Variants in MDM4 observed in about 807,000 individuals in gnomAD.
MDM4 encodes the protein protein Mdm4.
In MDM4, 2 loss-of-function variants were observed where a neutral mutation model predicts 60.2. That is an observed-to-expected ratio of 0.03 (90% CI 0.01 to 0.10). MDM4 has a LOEUF of 0.10. Among genes scored for constraint, MDM4 ranks in the 10% least tolerant of loss-of-function variants. The probability of loss-of-function intolerance (pLI) is 1.00; values close to 1 mark genes in which losing one functional copy is unlikely to be tolerated. For missense variants in MDM4, 447 were observed against 577.5 expected (o/e 0.77, Z 2.32); for synonymous variants, 202 against 198.1 (o/e 1.02, Z -0.17).
chr1:204,537,884 G>A (rs775558222), intron 6 of MDM4: 12 of 673,334 alleles, frequency 1.8e-5, no homozygotes, highest in South Asian at 6.9e-5. Context: ...ATCTTGGTAC[G>A]TGGCGAGGGT....
At chr1:204,520,040 G>C (rs1659403830) in intron 1 of MDM4, among the ~76,000 whole-genome samples, 1 of 152,168 alleles carries the variant, frequency 6.6e-6, no homozygotes. Flanking sequence ...CACTTTGGGA[G>C]GCCGAGGCGG....
rs192812920 is a variant in MDM4 at position 204,523,857 on chromosome 1, C to T, written c.-35-1627C>T. 5.3e-5 allele frequency among the ~76,000 whole-genome samples: 8 copies of T among 152,202 alleles called. No individual in the cohort carries two copies. The East Asian group carries it at 1.5e-3, about 29-fold the overall frequency. Reference sequence around the variant, plus strand: ...CAAGGGAGGGGAAGGGGTTCTTATCCCTGACGCAGGTAGCCCCTACTTCTG... The same window carrying T: ...CAAGGGAGGGGAAGGGGTTCTTATCTCTGACGCAGGTAGCCCCTACTTCTG... On this transcript the variant is annotated intron_variant, in intron 1 of 10. Transcript: ENST00000367182.
chr1:204,530,909 CA>C (rs1368480155), intron 4 of MDM4, 92 bp downstream of exon 4: 2 of 1,521,492 alleles, frequency 1.3e-6, no homozygotes, highest in African/African-American at 2.8e-5. Flanking sequence ...CTTCACTCAA[CA>C]AATATGTAAG....
At position 204,553,491 on chromosome 1, in the gene MDM4, T is replaced by C. The variant is rs1663363689; in HGVS notation, c.*3809T>C. The C allele has an allele frequency of 4.4e-6, 1 of 226,398 alleles. No individual in the cohort carries two copies. The highest frequency in any genetic ancestry group is 1.8e-4 in the South Asian group (1 of 5,494). 14.0% of individuals were successfully genotyped at this position (226,398 alleles called of 1,614,324 possible). ...AATTATATGGTCACCTAGTTATAGG[T>C]AAGCCTTGTTCGAGTTGATATCTTG... On this transcript the variant is annotated 3_prime_UTR_variant, in exon 11 of 11. Coordinates refer to ENST00000367182, the MANE Select transcript of MDM4 (RefSeq NM_002393.5).
chr1:204,536,301 G>A (rs914191881), intron 5 of MDM4, among the ~76,000 whole-genome samples: 2 of 152,138 alleles, frequency 1.3e-5, no homozygotes, highest in African/African-American at 4.8e-5. Flanking sequence ...GTCCAACTTC[G>A]CTTTGAAGAC....
At chr1:204,522,846 G>C (rs963260834) in intron 1 of MDM4, among the ~76,000 whole-genome samples, 2 of 149,652 alleles carry the variant, frequency 1.3e-5, no homozygotes, top group African/African-American at 4.9e-5. Flanking sequence ...TCTTCAGCCA[G>C]TGTATTTACT....
At chr1:204,529,529 A>C (rs988525610) in intron 3 of MDM4, 1 of 1,504,722 alleles carries the variant, frequency 6.6e-7, no homozygotes, top group Non-Finnish European at 9.0e-7. Flanking sequence ...CTGGTGGTCC[A>C]TAAGGCCCTC....
intron 8 of MDM4, 61 bp from the exon 9 acceptor site, chr1:204,544,474 G>A: frequency 1.9e-5 from 29 of 1,529,150 alleles, no homozygotes; most frequent in Non-Finnish European, 2.6e-5. Flanking sequence ...CATTTGTGTT[G>A]TTTCAACATC....
chr1:204,555,154 ATTTC>A lies in MDM4; in HGVS notation c.*5476_*5479del, dbSNP rs904512755. 1.1e-5 allele frequency: 2 copies of A among 184,942 alleles called. No individual in the cohort carries two copies. The highest frequency in any genetic ancestry group is 2.2e-5 in the Non-Finnish European group (2 of 89,638). 11.5% of individuals were successfully genotyped at this position (184,942 alleles called of 1,614,324 possible). On this transcript the variant is annotated 3_prime_UTR_variant, in exon 11 of 11. Coordinates refer to ENST00000367182, the MANE Select transcript of MDM4 (RefSeq NM_002393.5). ...CACAGGACAGTTAGTAGAACTCTCCATTTCTTTTTTTTTTTTTTTAGACGGAGTC... is the reference window on the plus strand; with the variant it reads ...CACAGGACAGTTAGTAGAACTCTCCATTTTTTTTTTTTTTTAGACGGAGTC...
chr1:204,527,389 C>T (rs962696607), intron 3 of MDM4, among the ~76,000 whole-genome samples: 45 of 152,140 alleles, frequency 3.0e-4, no homozygotes, highest in Admixed American at 2.2e-3. Context: ...TATGGTGGCT[C>T]ACGCCTGTAA....
Position 204,552,563 on chromosome 1 carries a change from C to CA in MDM4, c.*2881_*2882insA, listed in dbSNP as rs1663300161. On this transcript the variant is annotated 3_prime_UTR_variant, in exon 11 of 11. Coordinates refer to ENST00000367182, the MANE Select transcript of MDM4 (RefSeq NM_002393.5). The stretch of plus-strand genomic sequence containing the variant: ...GGTCTCGAACTCCTGACCTCATGAT[C>CA]CACACACCTCGGCCTCCCAAAGTCC... 1.2e-5 allele frequency: 2 copies of CA among 165,976 alleles called. No homozygotes were observed. The highest frequency in any genetic ancestry group is 4.1e-4 in the South Asian group (2 of 4,928). The allele number at this position is 165,976 out of a possible 1,614,324, so 10.3% of individuals were successfully genotyped here. A position where few individuals can be genotyped will look rare whatever the true frequency, so the allele number is the denominator to read the frequency against.
At chr1:204,528,161 T>G (rs773966387) in intron 3 of MDM4, among the ~76,000 whole-genome samples, 14 of 151,032 alleles carry the variant, frequency 9.3e-5, no homozygotes, top group Non-Finnish European at 1.5e-4. Context: ...AAATGCAAAT[T>G]AAAAAAAGTA....
In MDM4 at chr1:204,552,759, C is replaced by T. The variant is rs919267407; in HGVS notation, c.*3077C>T. 1.1e-4 allele frequency: 20 copies of T among 185,456 alleles called. No homozygotes were observed. The highest frequency in any genetic ancestry group is 1.7e-4 in the Non-Finnish European group (15 of 87,586). The allele number at this position is 185,456 out of a possible 1,614,324, so 11.5% of individuals were successfully genotyped here. On this transcript the variant is annotated 3_prime_UTR_variant, in exon 11 of 11. Transcript: ENST00000367182. ...AGCTTCACTCTTCCTGCTTGCCCAC[C>T]GGGGTTTTTCACTGCTTCTGTTAGC... is the stretch of plus-strand genomic sequence containing the variant.
chr1:204,525,147 T>G (rs1297016961), intron 1 of MDM4, among the ~76,000 whole-genome samples: 1 of 152,186 alleles, frequency 6.6e-6, no homozygotes, highest in Admixed American at 6.5e-5. Flanking sequence ...ATCTAGAGAG[T>G]GCTCTACCTG....
chr1:204,554,072 A>C lies in MDM4; in HGVS notation c.*4390A>C. The C allele has an allele frequency of 4.4e-6, 1 of 228,440 alleles. No homozygotes were observed. The highest frequency in any genetic ancestry group is 8.7e-6 in the Non-Finnish European group (1 of 115,106). 14.2% of individuals were successfully genotyped at this position (228,440 alleles called of 1,614,324 possible). On this transcript the variant is annotated 3_prime_UTR_variant, in exon 11 of 11. Transcript: ENST00000367182. ...GGTATTATTTGGTTTGTAAGAATTT[A>C]TTTTTAAGGGTCAAGGTCATTTGTA...
At chr1:204,525,311 G>C in intron 1 of MDM4, 173 bp from the exon 2 acceptor site, 2 of 984,588 alleles carry the variant, frequency 2.0e-6, no homozygotes, top group Non-Finnish European at 2.4e-6. Flanking sequence ...ATCAGAACTA[G>C]AAAGTAGTCA....
At chr1:204,518,992 A>C (rs1203153585) in intron 1 of MDM4, among the ~76,000 whole-genome samples, 1 of 152,190 alleles carries the variant, frequency 6.6e-6, no homozygotes, top group Non-Finnish European at 1.5e-5. Context: ...TGAAGAGGTG[A>C]CATTTAACCT....
intron 5 of MDM4, among the ~76,000 whole-genome samples, chr1:204,534,557 G>A (rs988559914): frequency 1.3e-5 from 2 of 151,962 alleles, no homozygotes; most frequent in African/African-American, 2.4e-5. Context: ...GCAAGATCTC[G>A]GCTCACTGCA....
Position 204,549,719 on chromosome 1 carries a change from A to G in MDM4, c.*37A>G. ...ACATAAAAATGCATTTATTCCGTTCACTTACCACATTATTTGAAAATCAAT... is the reference window on the plus strand; with the variant it reads ...ACATAAAAATGCATTTATTCCGTTCGCTTACCACATTATTTGAAAATCAAT... On this transcript the variant is annotated 3_prime_UTR_variant, in exon 11 of 11. Transcript: ENST00000367182. 1 of 1,105,144 alleles carries G rather than the reference A, an allele frequency of 9.0e-7. No homozygotes were observed. Among genetic ancestry groups the G allele is most frequent in the Non-Finnish European group, 1.3e-6 (1 of 776,348 alleles). The allele number at this position is 1,105,144 out of a possible 1,614,324, so 68.5% of individuals were successfully genotyped here. A position where few individuals can be genotyped will look rare whatever the true frequency, so the allele number is the denominator to read the frequency against.
Sources: gnomAD v4.1 joint callset for allele counts (sites outside exome capture counted in the v4.1 genomes callset) on GRCh38, gnomAD v4.1.1 for gene constraint, MANE v1.5 for transcripts, NCBI Gene and HGNC (gene_info 2026-07-23, HGNC 2026-07-21) for gene names.